Variants in CSMD1 observed in about 807,000 individuals in gnomAD.
CSMD1 encodes CUB and Sushi multiple domains 1.
CSMD1 carries 213 observed loss-of-function variants against 417.5 expected under a neutral mutation model. The ratio of observed to expected loss-of-function variants is 0.51; its 90% CI spans 0.46 to 0.57. CSMD1 has a LOEUF of 0.57. Ranked by LOEUF, CSMD1 falls within the 20% of genes least tolerant of loss-of-function variation. The probability of loss-of-function intolerance (pLI) is 0.00; values close to 1 mark genes in which losing one functional copy is unlikely to be tolerated. For missense variants in CSMD1, 6,923 were observed against 4,529.7 expected (o/e 1.53, Z -15.17); for synonymous variants, 2,862 against 1,736.8 (o/e 1.65, Z -16.11).
chr8:4,317,596 G>C (rs1255609597), intron 3 of CSMD1, among the ~76,000 whole-genome samples: 2 of 100,696 alleles, frequency 2.0e-5, no homozygotes, highest in African/African-American at 3.7e-5. Context: ...AGAGAGAGAG[G>C]AGAGAGGGGA....
chr8:3,136,845 G>A (rs1457791577), intron 41 of CSMD1, among the ~76,000 whole-genome samples: 2 of 152,012 alleles, frequency 1.3e-5, no homozygotes, highest in Non-Finnish European at 2.9e-5. Context: ...TACCAAGACT[G>A]GACACATGGT....
rs546511308 is a variant in CSMD1 at position 4,228,311 on chromosome 8, T to C, written c.415+191642A>G. 1.6e-3 allele frequency among the ~76,000 whole-genome samples: 250 copies of C among 152,306 alleles called. 1 individual carries two copies. The highest frequency in any genetic ancestry group is 5.6e-3 in the African/African-American group (233 of 41,568). On this transcript the variant is annotated intron_variant, in intron 3 of 69. Transcript: ENST00000635120. ...GCCCTGGCAGTAAAACTCTTTGAAA[T>C]AGGTGTTTTATTCTCTGTCTCTAAT...
chr8:4,920,881 GA>G (rs1563768600), intron 1 of CSMD1, among the ~76,000 whole-genome samples: 7 of 35,158 alleles, frequency 2.0e-4, no homozygotes, highest in African/African-American at 2.1e-4. Context: ...GAAAAGAAAA[GA>G]AAAGAAAAGA....
At chr8:3,773,649 A>G (rs932608126) in intron 5 of CSMD1, among the ~76,000 whole-genome samples, 1 of 152,082 alleles carries the variant, frequency 6.6e-6, no homozygotes, top group Non-Finnish European at 1.5e-5. Flanking sequence ...GTTTTATTCA[A>G]TTTTGGCCTT....
intron 1 of CSMD1, among the ~76,000 whole-genome samples, chr8:4,962,636 C>T (rs1809583855): frequency 6.6e-6 from 1 of 152,092 alleles, no homozygotes; most frequent in Admixed American, 6.6e-5. Context: ...ATTTCTCTGC[C>T]ATCACTTCAA....
chr8:4,399,239 T>C (rs116380880), intron 3 of CSMD1, among the ~76,000 whole-genome samples: 360 of 152,334 alleles, frequency 2.4e-3, no homozygotes, highest in African/African-American at 8.5e-3. Flanking sequence ...GTATTTCCCC[T>C]TGTGTGTAAT....
Position 4,702,771 on chromosome 8 carries a change from C to T in CSMD1, c.86-65213G>A, listed in dbSNP as rs79737117. Reference sequence around the variant, plus strand: ...GAAGGAAAGAAAGAGCATCCTTTTGCGGGAAAATGTTAGGTAGCAAAATAA... The same window carrying T: ...GAAGGAAAGAAAGAGCATCCTTTTGTGGGAAAATGTTAGGTAGCAAAATAA... On this transcript the variant is annotated intron_variant, in intron 1 of 69. Coordinates refer to ENST00000635120, the MANE Select transcript of CSMD1 (RefSeq NM_033225.6). Among the ~76,000 whole-genome samples the T allele has an allele frequency of 5.4e-3, 819 of 152,134 alleles. 38 individuals carry two copies. The East Asian group carries it at 0.11, about 21-fold the overall frequency.
intron 2 of CSMD1, among the ~76,000 whole-genome samples, chr8:4,480,750 A>T (rs1801054991): frequency 6.6e-6 from 1 of 152,204 alleles, no homozygotes. Context: ...GTTTCAAAAT[A>T]TACTGCATTA....
At chr8:4,723,212 C>G (rs1256815217) in intron 1 of CSMD1, among the ~76,000 whole-genome samples, 2 of 152,090 alleles carry the variant, frequency 1.3e-5, no homozygotes, top group Non-Finnish European at 2.9e-5. Flanking sequence ...TAGAGTATAA[C>G]GTAGACGGCT....
At chr8:3,468,490 G>A (rs1202020444) in intron 12 of CSMD1, among the ~76,000 whole-genome samples, 1 of 152,056 alleles carries the variant, frequency 6.6e-6, no homozygotes, top group African/African-American at 2.4e-5. Context: ...TTTATTTTGG[G>A]ATAATCAGAG....
At chr8:4,754,320 C>T (rs1035382870) in intron 1 of CSMD1, among the ~76,000 whole-genome samples, 4 of 152,238 alleles carry the variant, frequency 2.6e-5, no homozygotes, top group African/African-American at 7.2e-5. Context: ...TAGAATTTGA[C>T]CAACATTCAA....
intron 2 of CSMD1, among the ~76,000 whole-genome samples, chr8:4,452,520 T>G (rs567096199): frequency 6.6e-6 from 1 of 152,326 alleles, no homozygotes; most frequent in Admixed American, 6.5e-5. Context: ...TTTAGTTCAT[T>G]AACTCAACAA....
At position 3,399,643 on chromosome 8, in the gene CSMD1, A is replaced by G. The variant is rs994444425; in HGVS notation, c.2267-114T>C. The G allele has an allele frequency of 9.2e-6, 7 of 761,184 alleles. No individual in the cohort carries two copies. The African/African-American group carries it at 1.3e-4, about 14-fold the overall frequency. 47.2% of individuals were successfully genotyped at this position (761,184 alleles called of 1,614,324 possible). On this transcript the variant is annotated intron_variant, in intron 15 of 69. Transcript: ENST00000635120. ...TGTGTTCATAGACTGAATATTTTCA[A>G]GTATCAAAGCAAATCTTATTCCCAA...
In CSMD1 at chr8:3,758,227, G is replaced by A. The variant is rs575780296; in HGVS notation, c.819-4185C>T. On this transcript the variant is annotated intron_variant, in intron 5 of 69. Transcript: ENST00000635120. ...GATCCAACCCCATCATCTTCCCAGA[G>A]TGCTAGGGTTACAGGCGTGAGCCAT... is the stretch of plus-strand genomic sequence containing the variant. 2.5e-3 allele frequency among the ~76,000 whole-genome samples: 380 copies of A among 152,310 alleles called. 2 individuals carry two copies. The highest frequency in any genetic ancestry group is 8.9e-3 in the African/African-American group (370 of 41,582).
At chr8:3,247,157 G>A (rs961042081) in intron 26 of CSMD1, among the ~76,000 whole-genome samples, 5 of 152,158 alleles carry the variant, frequency 3.3e-5, no homozygotes, top group Non-Finnish European at 2.9e-5. Context: ...TTTGTGGGAT[G>A]CAGGGCAAGG....
At chr8:3,142,940 G>A (rs12545633) in intron 40 of CSMD1, among the ~76,000 whole-genome samples, 67,900 of 151,886 alleles carry the variant, frequency 0.45, 16,201 homozygotes, top group Non-Finnish European at 0.54. Context: ...TACCAGCACC[G>A]TACCACAGAG....
chr8:4,443,478 C>G (rs892231063), intron 2 of CSMD1, among the ~76,000 whole-genome samples: 1 of 152,180 alleles, frequency 6.6e-6, no homozygotes, highest in African/African-American at 2.4e-5. Flanking sequence ...ATCTTTTCAT[C>G]TTATGTGTTT....
At chr8:3,925,539 C>T (rs1195744435) in intron 5 of CSMD1, among the ~76,000 whole-genome samples, 1 of 152,130 alleles carries the variant, frequency 6.6e-6, no homozygotes, top group African/African-American at 2.4e-5. Flanking sequence ...CCAGAATTCC[C>T]AGGTGTTGTG....
chr8:4,316,757 C>T (rs865932614), intron 3 of CSMD1, among the ~76,000 whole-genome samples: 1 of 151,742 alleles, frequency 6.6e-6, no homozygotes, highest in Non-Finnish European at 1.5e-5. Context: ...TGGTCGAACG[C>T]CCCCAAAACC....
Sources: gnomAD v4.1 joint callset for allele counts (sites outside exome capture counted in the v4.1 genomes callset) on GRCh38, gnomAD v4.1.1 for gene constraint, MANE v1.5 for transcripts, NCBI Gene and HGNC (gene_info 2026-07-23, HGNC 2026-07-21) for gene names.